BMP6: variants seen among roughly 807,000 people sequenced by gnomAD.
BMP6 encodes VG-1-R.
A neutral mutation model predicts 54.1 loss-of-function variants in BMP6; 17 were observed. That is an observed-to-expected ratio of 0.31 (90% confidence interval 0.22 to 0.47). The LOEUF is 0.47. Ranked by LOEUF, BMP6 falls within the 20% of genes least tolerant of loss-of-function variation. The pLI is 1.00. For missense variants in BMP6, 720 were observed against 690.4 expected, an observed-to-expected ratio of 1.04 and a Z score of -0.48; for synonymous variants, 328 against 291.2, an observed-to-expected ratio of 1.13 and a Z score of -1.28.
chr6:7,798,132 A>ACCGGAG (rs1429517625), intron 1 of BMP6, among the ~76,000 whole-genome samples: 2 of 152,184 alleles, frequency 1.3e-5, no homozygotes, highest in Non-Finnish European at 2.9e-5. Flanking sequence ...TACCAAGGAG[A>ACCGGAG]CCAAGTCTTG....
intron 2 of BMP6, among the ~76,000 whole-genome samples, chr6:7,848,025 G>T (rs561189311): frequency 6.6e-6 from 1 of 152,268 alleles, no homozygotes; most frequent in East Asian, 1.9e-4. Context: ...AATTACATTG[G>T]CAAGGGAAAT....
At chr6:7,782,380 G>A (rs754657572) in intron 1 of BMP6, among the ~76,000 whole-genome samples, 2 of 152,134 alleles carry the variant, frequency 1.3e-5, no homozygotes, top group Non-Finnish European at 2.9e-5. Flanking sequence ...AAAGAGAGGT[G>A]GGGTAGGGAT....
intron 4 of BMP6, 113 bp downstream of exon 4, chr6:7,862,611 C>A: frequency 7.5e-7 from 1 of 1,339,952 alleles, no homozygotes; most frequent in Non-Finnish European, 1.0e-6. Context: ...AATCCAAAGG[C>A]AAATAGGTGT....
At position 7,726,564 on chromosome 6, in the gene BMP6, C is replaced by T. The variant is rs1285834134; in HGVS notation, c.-392C>T. On this transcript the variant is annotated 5_prime_UTR_variant, in exon 1 of 7. Transcript: ENST00000283147. Reference sequence around the variant, plus strand: ...GGTCCCACTCAGTCGCCAGGGAGAGCGCGGGGCAGCGCACGTGTGCGGCCA... The same window carrying T: ...GGTCCCACTCAGTCGCCAGGGAGAGTGCGGGGCAGCGCACGTGTGCGGCCA... Among the ~76,000 whole-genome samples the T allele has an allele frequency of 6.6e-6, 1 of 152,154 alleles. No homozygotes were observed. The highest frequency in any genetic ancestry group is 1.5e-5 in the Non-Finnish European group (1 of 68,030).
At chr6:7,738,864 A>G (rs1762000626) in intron 1 of BMP6, among the ~76,000 whole-genome samples, 1 of 152,174 alleles carries the variant, frequency 6.6e-6, no homozygotes, top group Non-Finnish European at 1.5e-5. Flanking sequence ...GAATGAAATC[A>G]TCACTCCCAA....
chr6:7,740,862 T>C (rs1045381241), intron 1 of BMP6, among the ~76,000 whole-genome samples: 2 of 152,196 alleles, frequency 1.3e-5, no homozygotes, highest in African/African-American at 4.8e-5. Context: ...GTCTTTATAA[T>C]CGTTGGCCTT....
intron 1 of BMP6, among the ~76,000 whole-genome samples, chr6:7,825,445 G>C (rs1238972963): frequency 1.3e-5 from 2 of 152,108 alleles, no homozygotes; most frequent in South Asian, 2.1e-4. Flanking sequence ...TTTAGGCCAG[G>C]CGTGGTGGAT....
At chr6:7,838,482 A>T (rs1758912196) in intron 1 of BMP6, among the ~76,000 whole-genome samples, 1 of 152,040 alleles carries the variant, frequency 6.6e-6, no homozygotes, top group Non-Finnish European at 1.5e-5. Flanking sequence ...TATGAAAGCA[A>T]CCCTCTAAAC....
intron 1 of BMP6, among the ~76,000 whole-genome samples, chr6:7,804,464 GT>G (rs1160866690): frequency 2.0e-5 from 3 of 152,128 alleles, no homozygotes; most frequent in African/African-American, 4.8e-5. Flanking sequence ...TCAGGACAGA[GT>G]TTTCAGGCAG....
rs1761742488 is a variant in BMP6, at chr6:7,727,150, C to T, written c.195C>T (p.Gly65=). The change falls in exon 1 of 7, where the codon GGC becomes GGT. Residue 65 remains glycine (G), a synonymous_variant. Transcript: ENST00000283147. ...QPPPSPQSSS[G]FLYRRLKTQE... is the part of the protein sequence containing the mutation. ...CGCCGTCGCCGCAGTCCTCCTCGGG[C>T]TTCCTGTACCGGCGGCTCAAGACGC... 1 of 1,579,256 alleles carries T rather than the reference C, an allele frequency of 6.3e-7. No individual in the cohort carries two copies. Among genetic ancestry groups the T allele is most frequent in the Non-Finnish European group, 8.6e-7 (1 of 1,164,550 alleles).
At chr6:7,775,436 A>G (rs1757849410) in intron 1 of BMP6, among the ~76,000 whole-genome samples, 1 of 152,214 alleles carries the variant, frequency 6.6e-6, no homozygotes. Context: ...GGTGTTCACC[A>G]TGAGCTTGTG....
chr6:7,877,451 A>G (rs1759638458), intron 4 of BMP6, among the ~76,000 whole-genome samples: 2 of 151,884 alleles, frequency 1.3e-5, no homozygotes, highest in African/African-American at 4.8e-5. Context: ...TTGAAACCCC[A>G]TCTCTACTAA....
rs1196414738 is a variant in BMP6 at position 7,727,622 on chromosome 6, A to G, written c.664+3A>G. On this transcript the variant is annotated splice_donor_region_variant and intron_variant, in intron 1 of 6. Transcript: ENST00000283147. ...GGTCATGAGCTTTGTGAACCTGGGTAAGGATTTGGGGTAACGTAATGACGA... is the reference window on the plus strand; with the variant it reads ...GGTCATGAGCTTTGTGAACCTGGGTGAGGATTTGGGGTAACGTAATGACGA... 7 of 1,546,680 alleles carry G rather than the reference A, an allele frequency of 4.5e-6. No individual in the cohort carries two copies. Among genetic ancestry groups the G allele is most frequent in the Non-Finnish European group, 6.1e-6 (7 of 1,154,894 alleles).
intron 1 of BMP6, among the ~76,000 whole-genome samples, chr6:7,737,425 A>G (rs552646934): frequency 6.6e-6 from 1 of 152,050 alleles, no homozygotes; most frequent in Non-Finnish European, 1.5e-5. Flanking sequence ...CTTTCCCCCC[A>G]TGGAGAAAGG....
rs1193978239 is a variant in BMP6, at chr6:7,842,333, C to T, written c.665-2807C>T. On this transcript the variant is annotated intron_variant, in intron 1 of 6. Transcript: ENST00000283147. The stretch of plus-strand genomic sequence containing the variant: ...CTTCATAACACTTCTGGTGCCTCAG[C>T]TGAGGTGCTTGGGGACAGGCTGGAC... Among the ~76,000 whole-genome samples the T allele has an allele frequency of 2.6e-5, 4 of 152,282 alleles. No homozygotes were observed. The East Asian group carries it at 7.7e-4, about 29-fold the overall frequency.
chr6:7,777,261 GGTGGCCTTCAT>G (rs1405881288), intron 1 of BMP6, among the ~76,000 whole-genome samples: 2 of 152,228 alleles, frequency 1.3e-5, no homozygotes, highest in African/African-American at 4.8e-5. Context: ...AGTGGTGGCA[GGTGGCCTTCAT>G]GTGTGTTTCA....
At chr6:7,751,878 A>C (rs1757430908) in intron 1 of BMP6, among the ~76,000 whole-genome samples, 1 of 152,236 alleles carries the variant, frequency 6.6e-6, no homozygotes, top group Admixed American at 6.5e-5. Flanking sequence ...AATGATGCAG[A>C]ATCTCAGAAG....
At chr6:7,740,636 C>G (rs1762028733) in intron 1 of BMP6, among the ~76,000 whole-genome samples, 1 of 152,126 alleles carries the variant, frequency 6.6e-6, no homozygotes, top group African/African-American at 2.4e-5. Flanking sequence ...TCTTGGACCC[C>G]ACCCTGACTC....
chr6:7,761,136 T>C (rs1581236152), intron 1 of BMP6, among the ~76,000 whole-genome samples: 1 of 152,276 alleles, frequency 6.6e-6, no homozygotes, highest in East Asian at 1.9e-4. Flanking sequence ...TGCTTTTCTA[T>C]GTCACATTTC....
Sources: allele counts gnomAD v4.1 joint callset (sites outside exome capture counted in the v4.1 genomes callset), GRCh38; gene constraint gnomAD v4.1.1; transcripts MANE v1.5; gene names NCBI Gene and HGNC (gene_info 2026-07-23, HGNC 2026-07-21).